PRKN: variants seen among roughly 807,000 people sequenced by gnomAD.
The protein encoded by PRKN is E3 ubiquitin-protein ligase parkin.
A neutral mutation model predicts 59.5 loss-of-function variants in PRKN; 56 were observed. The ratio of observed to expected loss-of-function variants is 0.94; its 90% CI spans 0.76 to 1.18. The LOEUF (loss-of-function observed/expected upper bound fraction) is 1.18, where lower values mean the gene tolerates loss of function less well. Ranked by LOEUF, PRKN falls within the 50% of genes most tolerant of loss-of-function variation. The pLI, the probability that PRKN is intolerant of heterozygous loss-of-function variation, is 0.00. For missense variants in PRKN, 657 were observed against 596.4 expected, an observed-to-expected ratio of 1.10 and a Z score of -1.06; for synonymous variants, 250 against 222.1, an observed-to-expected ratio of 1.13 and a Z score of -1.12.
At chr6:162,219,320 C>T (rs147345572) in intron 3 of PRKN, among the ~76,000 whole-genome samples, 1 of 152,304 alleles carries the variant, frequency 6.6e-6, no homozygotes, top group East Asian at 1.9e-4. Flanking sequence ...TCTAATACTG[C>T]ATAGGTGACT....
chr6:162,519,658 C>T (rs1453578363), intron 1 of PRKN, among the ~76,000 whole-genome samples: 1 of 152,092 alleles, frequency 6.6e-6, no homozygotes, highest in Admixed American at 6.6e-5. Flanking sequence ...ATGAAACAAA[C>T]CCATCTCATT....
intron 2 of PRKN, among the ~76,000 whole-genome samples, chr6:162,310,276 C>G (rs79657445): frequency 6.6e-6 from 1 of 152,140 alleles, no homozygotes; most frequent in African/African-American, 2.4e-5. Context: ...GCCAGGTGGC[C>G]TCTCAACATC....
At chr6:162,562,534 T>C (rs909750230) in intron 1 of PRKN, among the ~76,000 whole-genome samples, 1 of 152,098 alleles carries the variant, frequency 6.6e-6, no homozygotes, top group Non-Finnish European at 1.5e-5. Flanking sequence ...CTTTGGGCCT[T>C]AAGGGAACAT....
At chr6:161,577,856 C>T (rs1002914186) in intron 7 of PRKN, among the ~76,000 whole-genome samples, 1 of 152,282 alleles carries the variant, frequency 6.6e-6, no homozygotes, top group African/African-American at 2.4e-5. Context: ...AGGGAAGAAT[C>T]AGTCTCATTG....
At chr6:162,687,867 A>C (rs969867398) in intron 1 of PRKN, among the ~76,000 whole-genome samples, 3 of 152,210 alleles carry the variant, frequency 2.0e-5, no homozygotes, top group Non-Finnish European at 4.4e-5. Context: ...TACAAACTCC[A>C]GCAACAAGTA....
intron 9 of PRKN, among the ~76,000 whole-genome samples, chr6:161,505,929 C>G (rs1273275598): frequency 6.6e-6 from 1 of 151,308 alleles, no homozygotes; most frequent in East Asian, 1.9e-4. Flanking sequence ...GTTACTGTAG[C>G]CTTGTAGTAT....
chr6:162,409,260 G>C (rs1388401225), intron 2 of PRKN, among the ~76,000 whole-genome samples: 1 of 151,804 alleles, frequency 6.6e-6, no homozygotes, highest in Non-Finnish European at 1.5e-5. Context: ...AAACTCCTGG[G>C]CTTCTGCGAT....
At chr6:161,873,062 C>G (rs1209369332) in intron 6 of PRKN, among the ~76,000 whole-genome samples, 1 of 149,942 alleles carries the variant, frequency 6.7e-6, no homozygotes, top group Non-Finnish European at 1.5e-5. Flanking sequence ...GAGCTTGGAA[C>G]AGGGGATCGA....
chr6:161,822,484 T>C (rs1195330307), intron 6 of PRKN, among the ~76,000 whole-genome samples: 3 of 152,182 alleles, frequency 2.0e-5, no homozygotes, highest in Non-Finnish European at 4.4e-5. Context: ...AACACCAGCC[T>C]GGCCAACATG....
intron 7 of PRKN, among the ~76,000 whole-genome samples, chr6:161,679,868 C>T (rs1235209038): frequency 8.0e-5 from 12 of 150,038 alleles, no homozygotes; most frequent in Admixed American, 6.7e-5. Flanking sequence ...CATTCTCCTG[C>T]CTCAGCCCCC....
At chr6:162,415,628 G>A (rs1788588940) in intron 2 of PRKN, among the ~76,000 whole-genome samples, 1 of 152,014 alleles carries the variant, frequency 6.6e-6, no homozygotes, top group South Asian at 2.1e-4. Flanking sequence ...GACCATCCTG[G>A]CCAACATGAT....
chr6:161,386,979 T>C lies in PRKN; in HGVS notation c.1084-102A>G. ...TCATTATATTCATTCCTCTGGCTTGTGCAACAGTTTCTGTATAAAAATACT... is the reference window on the plus strand; with the variant it reads ...TCATTATATTCATTCCTCTGGCTTGCGCAACAGTTTCTGTATAAAAATACT... On this transcript the variant is annotated intron_variant, in intron 9 of 11. Transcript: ENST00000366898. The surrounding 1 kb of genome is among the most constrained non-coding windows in gnomAD (Gnocchi z 4.3). The C allele has an allele frequency of 6.6e-6, 6 of 914,310 alleles. No homozygotes were observed. Among genetic ancestry groups the C allele is most frequent in the Non-Finnish European group, 1.1e-5 (6 of 546,788 alleles). The allele number at this position is 914,310 out of a possible 1,614,324, so 56.6% of individuals were successfully genotyped here.
In PRKN at chr6:162,443,468, C is replaced by G; in HGVS notation, c.13G>C (p.Val5Leu). 1 of 1,613,992 alleles carries G rather than the reference C, an allele frequency of 6.2e-7. No homozygotes were observed. Among genetic ancestry groups the G allele is most frequent in the Non-Finnish European group, 8.5e-7 (1 of 1,179,920 alleles). MIVF[V>L]RFNSSHGFPV... ...AAACCATGGCTGGAGTTGAACCTGA[C>G]AAACACTGACCAAGGAAATTGGAAG... Residue 5 changes from valine to leucine, a missense_variant, in exon 2 of 12, where the codon GTC becomes CTC. By Grantham distance (32) the Val-to-Leu change is conservative. Coordinates refer to ENST00000366898, the MANE Select transcript of PRKN (RefSeq NM_004562.3).
intron 6 of PRKN, among the ~76,000 whole-genome samples, chr6:161,851,812 T>C (rs1290489992): frequency 6.6e-6 from 1 of 150,986 alleles, no homozygotes; most frequent in African/African-American, 2.4e-5. Context: ...GTGGGCCAGG[T>C]GCAGTGGCTC....
chr6:162,338,772 T>A (rs1157841524), intron 2 of PRKN, among the ~76,000 whole-genome samples: 1 of 141,458 alleles, frequency 7.1e-6, no homozygotes, highest in South Asian at 2.3e-4. Flanking sequence ...GTGAGGAGCG[T>A]CTCCGCCCGG....
At chr6:162,629,433 T>G (rs1041937727) in intron 1 of PRKN, among the ~76,000 whole-genome samples, 1 of 152,136 alleles carries the variant, frequency 6.6e-6, no homozygotes, top group Non-Finnish European at 1.5e-5. Context: ...TATTCCTCTC[T>G]TCATACATTT....
chr6:161,854,791 A>G (rs1793578024), intron 6 of PRKN, among the ~76,000 whole-genome samples: 1 of 152,112 alleles, frequency 6.6e-6, no homozygotes, highest in Non-Finnish European at 1.5e-5. Context: ...TAGATCTAGA[A>G]AAGTGGTTCT....
rs10534285 is a variant in PRKN at position 162,192,442 on chromosome 6, ATTTTTTT to A, written c.534+8682_534+8688del. 2.3e-4 allele frequency among the ~76,000 whole-genome samples: 17 copies of A among 74,692 alleles called. No homozygotes were observed. The East Asian group carries it at 2.9e-3, about 13-fold the overall frequency. 49.0% of individuals were successfully genotyped at this position (74,692 alleles called of 152,430 possible). A position where few individuals can be genotyped will look rare whatever the true frequency, so the allele number is the denominator to read the frequency against. ...GGTAAGCATTCAATAAATTATAGGG[ATTTTTTT>A]TTTTTTTTTTTTTTTTTTTTTTAGA... is the stretch of plus-strand genomic sequence containing the variant. On this transcript the variant is annotated intron_variant, in intron 4 of 11. Coordinates refer to ENST00000366898, the MANE Select transcript of PRKN (RefSeq NM_004562.3).
intron 5 of PRKN, among the ~76,000 whole-genome samples, chr6:162,032,853 G>C (rs755506389): frequency 6.6e-6 from 1 of 152,054 alleles, no homozygotes; most frequent in Non-Finnish European, 1.5e-5. Flanking sequence ...TGAACCCAAT[G>C]CTCCCACATG....
Sources: allele counts gnomAD v4.1 joint callset (sites outside exome capture counted in the v4.1 genomes callset), GRCh38; gene constraint gnomAD v4.1.1; non-coding constraint Gnocchi (gnomAD v3.1); transcripts MANE v1.5; gene names NCBI Gene and HGNC (gene_info 2026-07-23, HGNC 2026-07-21).